RASAL3: variants seen among roughly 807,000 people sequenced by gnomAD.
RASAL3 encodes the protein RAS protein activator like-3.
RASAL3 carries 74 observed loss-of-function variants against 105.5 expected under a neutral mutation model. That is an observed-to-expected ratio of 0.70 (90% CI 0.58 to 0.85). The LOEUF (loss-of-function observed/expected upper bound fraction) is 0.85. Ranked by LOEUF, RASAL3 falls within the 40% of genes least tolerant of loss-of-function variation. The probability of loss-of-function intolerance (pLI) is 0.00; values close to 1 mark genes in which losing one functional copy is unlikely to be tolerated. For synonymous variants in RASAL3, 579 were observed against 591.6 expected (o/e 0.98, Z 0.31); for missense variants, 1,352 against 1,392.0 (o/e 0.97, Z 0.46).
chr19:15,464,336 C>A lies in RASAL3; in HGVS notation c.23G>T (p.Arg8Leu), dbSNP rs779880306. The A allele has an allele frequency of 8.8e-7, 1 of 1,137,160 alleles. No individual in the cohort carries two copies. Among genetic ancestry groups the A allele is most frequent in the African/African-American group, 1.8e-5 (1 of 55,864 alleles). The allele number at this position is 1,137,160 out of a possible 1,614,324, so 70.4% of individuals were successfully genotyped here. A position where few individuals can be genotyped will look rare whatever the true frequency, so the allele number is the denominator to read the frequency against. Residue 8 changes from arginine (R) to leucine (L), a missense_variant, in exon 2 of 18, where the codon CGG becomes CTG. By Grantham distance (102) the Arg-to-Leu change is moderately radical (BLOSUM62 -2). Transcript: ENST00000343625. Reference protein sequence around the residue: MDPPSPSRTSQTQPTATS... With the variant: MDPPSPSLTSQTQPTATS... ...GGCTGTGGGCTGGGTTTGGGAGGTC[C>A]GGCTTGGCGACGGTGGGTCCATGGT...
intron 2 of RASAL3, among the ~76,000 whole-genome samples, chr19:15,463,192 T>C (rs1044694204): frequency 1.3e-5 from 2 of 151,818 alleles, no homozygotes; most frequent in African/African-American, 4.8e-5. Flanking sequence ...TTCAAGCGAT[T>C]ATCCTGCCTC....
Position 15,453,113 on chromosome 19 carries a change from C to T in RASAL3, c.2664G>A (p.Val888=). 1 of 1,613,572 alleles carries T rather than the reference C, an allele frequency of 6.2e-7. No homozygotes were observed. Among genetic ancestry groups the T allele is most frequent in the African/African-American group, 1.3e-5 (1 of 75,044 alleles). Residue 888 remains valine (V), a synonymous_variant, in exon 15 of 18, where the codon GTG becomes GTA. Coordinates refer to ENST00000343625, the MANE Select transcript of RASAL3 (RefSeq NM_022904.3). This position sits in a 1 kb window ranked among gnomAD's most constrained non-coding sequence, Gnocchi z 4.2. ...RNQALGTHRP[V]NKLAELQCEV... ...GACCTGGGCCTGACCTTACCTTGTTCACAGGTCGGTGCGTGCCCAGTGCCT... is the reference window on the plus strand; with the variant it reads ...GACCTGGGCCTGACCTTACCTTGTTTACAGGTCGGTGCGTGCCCAGTGCCT...
intron 6 of RASAL3, 117 bp downstream of exon 6, chr19:15,460,086 G>A: frequency 3.6e-6 from 3 of 843,770 alleles, no homozygotes; most frequent in Admixed American, 5.4e-5. Context: ...AACTGATGTG[G>A]GGCAGAACAC....
In RASAL3 at chr19:15,461,576, A is replaced by T; in HGVS notation, c.360T>A (p.Pro120=). ...TGGGGGCCTCAGGGATCTGTGGGGT[A>T]GGGGGCTCCAGCTCTGGCTCCGGCT... ...ELEPEPELEP[P]TPQIPEAPTP... Residue 120 remains proline, a synonymous_variant, in exon 3 of 18, where the codon CCT becomes CCA. Coordinates refer to ENST00000343625, the MANE Select transcript of RASAL3 (RefSeq NM_022904.3). The T allele has an allele frequency of 6.5e-7, 1 of 1,532,584 alleles. No individual in the cohort carries two copies. The highest frequency in any genetic ancestry group is 8.7e-7 in the Non-Finnish European group (1 of 1,145,498). The allele number at this position is 1,532,584 out of a possible 1,614,324, so 94.9% of individuals were successfully genotyped here. A position where few individuals can be genotyped will look rare whatever the true frequency, so the allele number is the denominator to read the frequency against.
rs368495878 is a variant in RASAL3 at position 15,461,307 on chromosome 19, G to A, written c.466-11C>T. On this transcript the variant is annotated splice_polypyrimidine_tract_variant and intron_variant, in intron 3 of 17. Coordinates refer to ENST00000343625, the MANE Select transcript of RASAL3 (RefSeq NM_022904.3). ...GGGCCTTCGAGGACCCTGTTCTCCC[G>A]CAGGAGTGGGTAGTCAGAGAGGGGA... The A allele has an allele frequency of 7.3e-5, 118 of 1,610,864 alleles. No individual in the cohort carries two copies. Among genetic ancestry groups the A allele is most frequent in the South Asian group, 1.2e-4 (11 of 90,648 alleles).
At position 15,457,637 on chromosome 19, in the gene RASAL3, C is replaced by T; in HGVS notation, c.1086G>A (p.Pro362=). 1.4e-6 allele frequency: 2 copies of T among 1,413,558 alleles called. No individual in the cohort carries two copies. The highest frequency in any genetic ancestry group is 1.8e-6 in the Non-Finnish European group (2 of 1,083,300). The allele number at this position is 1,413,558 out of a possible 1,614,324, so 87.6% of individuals were successfully genotyped here. Residue 362 remains proline, a synonymous_variant, in exon 9 of 18, where the codon CCG becomes CCA. Coordinates refer to ENST00000343625, the MANE Select transcript of RASAL3 (RefSeq NM_022904.3). The surrounding 1 kb of genome is among the most constrained non-coding windows in gnomAD (Gnocchi z 8.6). Reference sequence around the variant, plus strand: ...GCAGCCGCAGCGACAGGCGACGTGCCGGTGGCAGCGCCTCGAAGTGGAAGC... The same window carrying T: ...GCAGCCGCAGCGACAGGCGACGTGCTGGTGGCAGCGCCTCGAAGTGGAAGC... ...AERFHFEALP[P]ARRLSLRLRG... is the part of the protein sequence containing the mutation.
chr19:15,456,445 C>T lies in RASAL3; in HGVS notation c.1576+57G>A. The T allele has an allele frequency of 6.2e-7, 1 of 1,601,880 alleles. No individual in the cohort carries two copies. ...GGTTGCTCAAGGACTCTTAGAACTT[C>T]ACCCAGGTCCCCTAGCTCACCAGCA... On this transcript the variant is annotated intron_variant, in intron 10 of 17. Transcript: ENST00000343625. The surrounding 1 kb of genome is among the most constrained non-coding windows in gnomAD (Gnocchi z 4.4).
rs1599733412 is a variant in RASAL3 at position 15,453,584 on chromosome 19, A to C, written c.2280-87T>G. ...CTGACCAGAAGTGACCTCACCCCCC[A>C]CGTGAACTTGTCCTTTCTTTTTTTT... On this transcript the variant is annotated intron_variant, in intron 14 of 17. Transcript: ENST00000343625. The surrounding 1 kb of genome is among the most constrained non-coding windows in gnomAD (Gnocchi z 4.2). The C allele has an allele frequency of 1.0e-5, 13 of 1,274,478 alleles. No individual in the cohort carries two copies. The highest frequency in any genetic ancestry group is 3.7e-5 in the Admixed American group (1 of 26,914). The allele number at this position is 1,274,478 out of a possible 1,614,324, so 78.9% of individuals were successfully genotyped here.
Position 15,464,384 on chromosome 19 carries a change from G to T in RASAL3, c.-19-7C>A, listed in dbSNP as rs778543416. The T allele has an allele frequency of 7.0e-6, 7 of 995,618 alleles. No individual in the cohort carries two copies. Among genetic ancestry groups the T allele is most frequent in the Non-Finnish European group, 9.3e-6 (6 of 642,832 alleles). The allele number at this position is 995,618 out of a possible 1,614,324, so 61.7% of individuals were successfully genotyped here. A position where few individuals can be genotyped will look rare whatever the true frequency, so the allele number is the denominator to read the frequency against. The stretch of plus-strand genomic sequence containing the variant: ...GGTTGGGGGGGGGGGTCTCCTGGGG[G>T]ACGAGAGAGTGACAGTAGTGCCCAG... On this transcript the variant is annotated splice_polypyrimidine_tract_variant and splice_region_variant and intron_variant, in intron 1 of 17. Coordinates refer to ENST00000343625, the MANE Select transcript of RASAL3 (RefSeq NM_022904.3).
In RASAL3 at chr19:15,451,736, C is replaced by A. The variant is rs1471588378; in HGVS notation, c.*59G>T. 1 of 1,536,668 alleles carries A rather than the reference C, an allele frequency of 6.5e-7. No homozygotes were observed. Among genetic ancestry groups the A allele is most frequent in the Non-Finnish European group, 8.8e-7 (1 of 1,133,676 alleles). On this transcript the variant is annotated 3_prime_UTR_variant, in exon 18 of 18. Coordinates refer to ENST00000343625, the MANE Select transcript of RASAL3 (RefSeq NM_022904.3). ...AGGGCTAAGGCAAAGTCAGACACCCCCCCTAAGATGGCTATCTCTCTGCTC... is the reference window on the plus strand; with the variant it reads ...AGGGCTAAGGCAAAGTCAGACACCCACCCTAAGATGGCTATCTCTCTGCTC...
chr19:15,460,808 G>T (rs767392336), intron 5 of RASAL3, among the ~76,000 whole-genome samples: 15 of 152,096 alleles, frequency 9.9e-5, no homozygotes, highest in Non-Finnish European at 1.6e-4. Context: ...AGTGCTCTCT[G>T]CTCAGCCTCC....
rs1484116037 is a variant in RASAL3 at position 15,453,302 on chromosome 19, A to G, written c.2475T>C (p.Pro825=). 2 of 1,495,220 alleles carry G rather than the reference A, an allele frequency of 1.3e-6. No individual in the cohort carries two copies. The highest frequency in any genetic ancestry group is 2.8e-5 in the African/African-American group (2 of 70,878). 92.6% of individuals were successfully genotyped at this position (1,495,220 alleles called of 1,614,324 possible). A position where few individuals can be genotyped will look rare whatever the true frequency, so the allele number is the denominator to read the frequency against. Reference sequence around the variant, plus strand: ...GCCCCGCAGATTGGCGGCGGCGGGCAGGACGCCGGACCGGGACACTCTGCG... The same window carrying G: ...GCCCCGCAGATTGGCGGCGGCGGGCGGGACGCCGGACCGGGACACTCTGCG... The part of the protein sequence containing the change: ...QRTQSVPVRR[P]ARRRQSAGPW... The change falls in exon 15 of 18, where the codon CCT becomes CCC. Residue 825 remains proline (P), a synonymous_variant. Coordinates refer to ENST00000343625, the MANE Select transcript of RASAL3 (RefSeq NM_022904.3). This position sits in a 1 kb window ranked among gnomAD's most constrained non-coding sequence, Gnocchi z 4.2.
In RASAL3 at chr19:15,461,441, T is replaced by G. The variant is rs140276996; in HGVS notation, c.465+30A>C. The G allele has an allele frequency of 6.1e-3, 9,347 of 1,541,382 alleles. 32 individuals are homozygous for G. Among genetic ancestry groups the G allele is most frequent in the Non-Finnish European group, 7.5e-3 (8,573 of 1,140,274 alleles). ...GCCCTCCTCCTTTTTCTTTCTTCCC[T>G]CCTCCCCTTTCCCAGGTGCCCCCTC... On this transcript the variant is annotated intron_variant, in intron 3 of 17. Coordinates refer to ENST00000343625, the MANE Select transcript of RASAL3 (RefSeq NM_022904.3).
intron 16 of RASAL3, 183 bp from the exon 17 acceptor site, chr19:15,452,291 G>A: frequency 1.5e-6 from 1 of 645,886 alleles, no homozygotes; most frequent in Non-Finnish European, 2.8e-6. Flanking sequence ...TGGTTGGAAT[G>A]ACAGGACCTA....
rs759652436 is a variant in RASAL3 at position 15,454,650 on chromosome 19, C to A, written c.1958+7G>T. On this transcript the variant is annotated splice_region_variant and intron_variant, in intron 12 of 17. Transcript: ENST00000343625. ...GGTCCCCCCACCCCTAGCTTCCCAG[C>A]ACCTACGGGGCACGGTTGGCGAGGT... is the stretch of plus-strand genomic sequence containing the variant. The A allele has an allele frequency of 6.2e-7, 1 of 1,610,154 alleles. No individual in the cohort carries two copies. Among genetic ancestry groups the A allele is most frequent in the Admixed American group, 1.7e-5 (1 of 59,866 alleles).
Position 15,456,631 on chromosome 19 carries a change from G to C in RASAL3, c.1447C>G (p.Leu483Val). ...CAGCGCGCCAGCTCCGCAGTGCCCA[G>C]GTCAGTCACCAGCGCCTAGGAAGGG... ...TGRAQALVTD[L>V]GTAELARCGG... Residue 483 changes from leucine (L) to valine (V), a missense_variant, in exon 10 of 18, where the codon CTG (leucine) becomes GTG (valine). Coordinates refer to ENST00000343625, the MANE Select transcript of RASAL3 (RefSeq NM_022904.3). This position sits in a 1 kb window ranked among gnomAD's most constrained non-coding sequence, Gnocchi z 4.4. 6.2e-7 allele frequency: 1 copy of C among 1,612,686 alleles called. No homozygotes were observed. Among genetic ancestry groups the C allele is most frequent in the Non-Finnish European group, 8.5e-7 (1 of 1,179,578 alleles).
Position 15,458,625 on chromosome 19 carries a change from C to G in RASAL3, c.693G>C (p.Ser231=). 5 of 1,613,438 alleles carry G rather than the reference C, an allele frequency of 3.1e-6. No individual in the cohort carries two copies. The highest frequency in any genetic ancestry group is 4.2e-6 in the Non-Finnish European group (5 of 1,179,700). The change falls in exon 7 of 18, where the codon TCG becomes TCC. Residue 231 remains serine, a synonymous_variant. Transcript: ENST00000343625. ...GGTCCAGTTCAGAGAGTGTGGCCAG[C>G]GACTCCCTAGAGCCCAGAGCACTGG... The part of the protein sequence containing the change: ...GPPSALGSRE[S]LATLSELDLG...
Position 15,457,822 on chromosome 19 carries a change from G to T in RASAL3, c.901C>A (p.Arg301=), listed in dbSNP as rs572055643. 2.2e-5 allele frequency: 34 copies of T among 1,548,606 alleles called. No individual in the cohort carries two copies. The South Asian group carries it at 2.7e-4, about 12-fold the overall frequency. Residue 301 remains arginine (R), a synonymous_variant, in exon 9 of 18, where the codon CGG becomes AGG. Transcript: ENST00000343625. The surrounding 1 kb of genome is among the most constrained non-coding windows in gnomAD (Gnocchi z 8.6). The stretch of plus-strand genomic sequence containing the variant: ...CACACGCTCAGCCATGTCTCTTCCC[G>T]CTCCACGTTGTCCTGCAGATGGGAG... The part of the protein sequence containing the change: ...QFQPTQDNVE[R]EETWLSVWVH...
chr19:15,462,450 C>T (rs550614838), intron 2 of RASAL3, among the ~76,000 whole-genome samples: 309 of 150,802 alleles, frequency 2.0e-3, no homozygotes, highest in Middle Eastern at 6.9e-3. Context: ...TCCGCCACTG[C>T]ACTCCAGCCT....
Sources: gnomAD v4.1 joint callset for allele counts (sites outside exome capture counted in the v4.1 genomes callset) on GRCh38, gnomAD v4.1.1 for gene constraint, Gnocchi (gnomAD v3.1) non-coding constraint, MANE v1.5 for transcripts, NCBI Gene and HGNC (gene_info 2026-07-23, HGNC 2026-07-21) for gene names.